The following MLF1 variants were observed in gnomAD, a reference collection of about 807,000 sequenced individuals.
MLF1 encodes the protein myeloid leukemia factor 1, also known as myelodysplasia-myeloid leukemia factor 1.
MLF1 carries 37 observed loss-of-function variants against 38.3 expected under a neutral mutation model. The ratio of observed to expected loss-of-function variants is 0.96; its 90% confidence interval spans 0.74 to 1.27. The LOEUF (loss-of-function observed/expected upper bound fraction) is 1.27, where lower values mean the gene tolerates loss of function less well. Among genes scored for constraint, MLF1 ranks in the 50% most tolerant of loss-of-function variants. MLF1 has a pLI of 0.00. For missense variants in MLF1, 331 were observed against 349.2 expected (o/e 0.95, Z 0.42); for synonymous variants, 95 against 106.5 (o/e 0.89, Z 0.66).
At chr3:158,589,013 T>A in intron 1 of MLF1, 1 of 423,484 alleles carries the variant, frequency 2.4e-6, no homozygotes, top group East Asian at 7.3e-5. Flanking sequence ...CCAAAGTCAC[T>A]AAGGAGGAAC....
At chr3:158,600,555 A>G (rs1485642843) in intron 6 of MLF1, among the ~76,000 whole-genome samples, 1 of 142,064 alleles carries the variant, frequency 7.0e-6, no homozygotes, top group Non-Finnish European at 1.5e-5. Context: ...ATTTTAATGT[A>G]TTTCTTCCTA....
chr3:158,594,354 G>A (rs1238742312), intron 3 of MLF1, among the ~76,000 whole-genome samples: 1 of 152,174 alleles, frequency 6.6e-6, no homozygotes, highest in East Asian at 1.9e-4. Flanking sequence ...AACAGCATGT[G>A]CAAAGACCTG....
rs527758826 is a variant in MLF1 at position 158,605,274 on chromosome 3, A to G, written c.*72A>G. 24 of 1,166,954 alleles carry G rather than the reference A, an allele frequency of 2.1e-5. No individual in the cohort carries two copies. The highest frequency in any genetic ancestry group is 1.0e-4 in the East Asian group (4 of 39,766). The allele number at this position is 1,166,954 out of a possible 1,614,324, so 72.3% of individuals were successfully genotyped here. A position where few individuals can be genotyped will look rare whatever the true frequency, so the allele number is the denominator to read the frequency against. On this transcript the variant is annotated 3_prime_UTR_variant, in exon 8 of 8. Transcript: ENST00000466246. ...GTAATGGTGCTGGGTAATAAGCATA[A>G]GACCAATCTCTTGCTGTTAAATCAG...
chr3:158,590,467 C>T (rs998660041), intron 1 of MLF1, among the ~76,000 whole-genome samples: 4 of 152,128 alleles, frequency 2.6e-5, no homozygotes, highest in African/African-American at 9.7e-5. Flanking sequence ...AAGACTAGTA[C>T]ATAAATATTC....
chr3:158,574,613 G>A (rs144472684), intron 1 of MLF1, among the ~76,000 whole-genome samples: 2,906 of 150,880 alleles, frequency 0.019, 41 homozygotes, highest in Non-Finnish European at 0.031. Context: ...GAACCCAGGA[G>A]GTGGAGGTTG....
At chr3:158,602,503 A>C (rs952298358) in intron 6 of MLF1, among the ~76,000 whole-genome samples, 1 of 152,208 alleles carries the variant, frequency 6.6e-6, no homozygotes, top group Admixed American at 6.5e-5. Flanking sequence ...GAGATGACCC[A>C]GGAAGAAAAA....
chr3:158,591,258 C>T (rs1212938973), intron 1 of MLF1: 1 of 418,040 alleles, frequency 2.4e-6, no homozygotes, highest in Non-Finnish European at 4.7e-6. Flanking sequence ...CTCCCGGGTT[C>T]AAGCAATTCT....
At chr3:158,576,387 T>G (rs1290696490) in intron 1 of MLF1, among the ~76,000 whole-genome samples, 2 of 152,206 alleles carry the variant, frequency 1.3e-5, no homozygotes, top group African/African-American at 4.8e-5. Context: ...TTGCTAACAA[T>G]ATGCATATTG....
chr3:158,598,000 A>T, intron 4 of MLF1, 80 bp from the exon 5 acceptor site: 1 of 1,396,502 alleles, frequency 7.2e-7, no homozygotes, highest in Non-Finnish European at 1.0e-6. Flanking sequence ...ACTTACAGCT[A>T]GTGTTGTTAC....
chr3:158,582,816 T>A lies in MLF1; in HGVS notation c.48-9618T>A, dbSNP rs182805973. On this transcript the variant is annotated intron_variant, in intron 1 of 7. Coordinates refer to ENST00000466246, the MANE Select transcript of MLF1 (RefSeq NM_001369783.1). ...AAAAATTTGGTGAATTTGTTGACAG[T>A]AGACCTGCCTTGCAAGAAATGTTAA... The A allele has an allele frequency of 1.0e-4, 68 of 662,352 alleles. No individual in the cohort carries two copies. The African/African-American group carries it at 1.1e-3, about 11-fold the overall frequency. 41.0% of individuals were successfully genotyped at this position (662,352 alleles called of 1,614,324 possible). A position where few individuals can be genotyped will look rare whatever the true frequency, so the allele number is the denominator to read the frequency against.
chr3:158,576,358 C>G (rs572256072), intron 1 of MLF1, among the ~76,000 whole-genome samples: 1 of 152,182 alleles, frequency 6.6e-6, no homozygotes, highest in African/African-American at 2.4e-5. Context: ...AGAATACTAT[C>G]TTTCTCTCAC....
chr3:158,584,941 G>A (rs1264797677), intron 1 of MLF1, among the ~76,000 whole-genome samples: 1 of 150,792 alleles, frequency 6.6e-6, no homozygotes, highest in Non-Finnish European at 1.5e-5. Flanking sequence ...GGGAGGCTGA[G>A]GTGGGAGGAT....
At chr3:158,600,215 A>G (rs1436962524) in intron 6 of MLF1, 42 bp downstream of exon 6, 3 of 1,283,094 alleles carry the variant, frequency 2.3e-6, no homozygotes, top group Non-Finnish European at 3.1e-6. Flanking sequence ...TTATAAATTT[A>G]AAATAACAGC....
chr3:158,572,809 G>T (rs557091593), intron 1 of MLF1, among the ~76,000 whole-genome samples: 1 of 149,920 alleles, frequency 6.7e-6, no homozygotes, highest in Non-Finnish European at 1.5e-5. Flanking sequence ...GCGTGAGGTC[G>T]CAGGAGGATG....
intron 5 of MLF1, among the ~76,000 whole-genome samples, chr3:158,599,614 G>GA (rs1719440923): frequency 6.6e-6 from 1 of 152,096 alleles, no homozygotes; most frequent in African/African-American, 2.4e-5. Context: ...CCATAGAGTT[G>GA]ATAGTCGGGA....
intron 1 of MLF1, among the ~76,000 whole-genome samples, chr3:158,580,648 A>G (rs1402234977): frequency 6.6e-6 from 1 of 152,064 alleles, no homozygotes; most frequent in Non-Finnish European, 1.5e-5. Context: ...AACTCATACT[A>G]AAAATCCTAC....
chr3:158,582,344 T>C (rs1399700330), intron 1 of MLF1, among the ~76,000 whole-genome samples: 1 of 151,122 alleles, frequency 6.6e-6, no homozygotes, highest in Admixed American at 6.6e-5. Context: ...ATCCAAGAAC[T>C]GTGGCAAGAA....
rs1560096531 is a variant in MLF1, at chr3:158,578,505, A to ACAAACAC, written c.47+7158_47+7159insCAAACAC. 2.6e-3 allele frequency among the ~76,000 whole-genome samples: 386 copies of ACAAACAC among 147,356 alleles called. 3 individuals carry two copies. Among genetic ancestry groups the ACAAACAC allele is most frequent in the African/African-American group, 9.1e-3 (367 of 40,428 alleles). On this transcript the variant is annotated intron_variant, in intron 1 of 7. Coordinates refer to ENST00000466246, the MANE Select transcript of MLF1 (RefSeq NM_001369783.1). ...GTACGTATGTACATACATACATACAAACACACACACACACACACACACACG... is the reference window on the plus strand; with the variant it reads ...GTACGTATGTACATACATACATACAACAAACACACACACACACACACACACACACACG...
chr3:158,582,263 G>A (rs1358764594), intron 1 of MLF1, among the ~76,000 whole-genome samples: 2 of 151,804 alleles, frequency 1.3e-5, no homozygotes, highest in Admixed American at 6.6e-5. Flanking sequence ...CTGAGCTTGA[G>A]GATATGACAG....
Sources: allele counts gnomAD v4.1 joint callset (sites outside exome capture counted in the v4.1 genomes callset), GRCh38; gene constraint gnomAD v4.1.1; transcripts MANE v1.5; gene names NCBI Gene and HGNC (gene_info 2026-07-23, HGNC 2026-07-21).